Variants in LSAMP observed in about 807,000 individuals in gnomAD.
LSAMP encodes the protein limbic system associated membrane protein, also known as limbic system-associated membrane protein.
LSAMP carries 7 observed loss-of-function variants against 38.6 expected under a neutral mutation model. The observed-to-expected ratio is 0.18, with a 90% confidence interval of 0.10 to 0.34. LSAMP has a LOEUF of 0.34. LSAMP is among the 10% of genes least tolerant of loss of function. The pLI is 1.00. For synonymous variants in LSAMP, 154 were observed against 166.8 expected, an observed-to-expected ratio of 0.92 and a Z score of 0.59; for missense variants, 313 against 420.0, an observed-to-expected ratio of 0.75 and a Z score of 2.23.
At chr3:116,063,806 CA>C (rs200006025) in intron 2 of LSAMP, among the ~76,000 whole-genome samples, 1 of 151,512 alleles carries the variant, frequency 6.6e-6, no homozygotes, top group East Asian at 1.9e-4. Context: ...GTATCTATTG[CA>C]AAAAAAACTA....
chr3:116,295,374 C>T (rs2047317725), intron 1 of LSAMP, among the ~76,000 whole-genome samples: 1 of 152,164 alleles, frequency 6.6e-6, no homozygotes, highest in South Asian at 2.1e-4. Flanking sequence ...ATTCGTGGAT[C>T]CACATTTCCT....
intron 2 of LSAMP, among the ~76,000 whole-genome samples, chr3:116,058,039 G>T (rs937745795): frequency 1.3e-5 from 2 of 151,788 alleles, no homozygotes; most frequent in African/African-American, 4.8e-5. Context: ...ACAGTGGAAA[G>T]AAAATTCTAC....
intron 1 of LSAMP, among the ~76,000 whole-genome samples, chr3:116,285,552 A>AAGGAT (rs1399454058): frequency 9.3e-5 from 14 of 149,888 alleles, no homozygotes; most frequent in African/African-American, 3.5e-4. Context: ...TTTTTTTTTA[A>AAGGAT]AGGATAGTTT....
intron 3 of LSAMP, among the ~76,000 whole-genome samples, chr3:115,901,189 CTG>C (rs1031837727): frequency 2.3e-4 from 35 of 152,192 alleles, no homozygotes; most frequent in Admixed American, 2.0e-3. Flanking sequence ...GTCTGAGAGT[CTG>C]TGCTTAATCT....
At chr3:116,237,470 A>G (rs943448156) in intron 1 of LSAMP, among the ~76,000 whole-genome samples, 1 of 152,218 alleles carries the variant, frequency 6.6e-6, no homozygotes, top group African/African-American at 2.4e-5. Flanking sequence ...TTAGCAATAC[A>G]TTCAAGGTAA....
intron 1 of LSAMP, among the ~76,000 whole-genome samples, chr3:116,304,249 T>C (rs2047452824): frequency 6.6e-6 from 1 of 152,116 alleles, no homozygotes; most frequent in Admixed American, 6.6e-5. Flanking sequence ...AATATGCTTA[T>C]AATCATAAAA....
At chr3:116,001,199 G>A (rs1939981257) in intron 3 of LSAMP, among the ~76,000 whole-genome samples, 1 of 151,968 alleles carries the variant, frequency 6.6e-6, no homozygotes, top group Non-Finnish European at 1.5e-5. Context: ...AGAAAAAAAG[G>A]AAAAGAAAAA....
chr3:115,864,822 A>G (rs562088160), intron 3 of LSAMP, among the ~76,000 whole-genome samples: 16 of 152,314 alleles, frequency 1.1e-4, no homozygotes, highest in Admixed American at 9.8e-4. Context: ...AATACCTGCC[A>G]TACAAACGGT....
chr3:115,844,025 C>T (rs1226712575), intron 4 of LSAMP, among the ~76,000 whole-genome samples: 1 of 152,160 alleles, frequency 6.6e-6, no homozygotes, highest in African/African-American at 2.4e-5. Flanking sequence ...AACTAGGAGT[C>T]CTGGGACTTA....
chr3:115,872,583 C>T lies in LSAMP; in HGVS notation c.515-19966G>A, dbSNP rs568242020. 1.1e-4 allele frequency among the ~76,000 whole-genome samples: 16 copies of T among 151,636 alleles called. No homozygotes were observed. The South Asian group carries it at 2.3e-3, about 22-fold the overall frequency. Reference sequence around the variant, plus strand: ...GGAAAGAAAAAAGAATTGAGCCTCCCGAGAATGGAAGAATGGAAAGAAGTG... The same window carrying T: ...GGAAAGAAAAAAGAATTGAGCCTCCTGAGAATGGAAGAATGGAAAGAAGTG... On this transcript the variant is annotated intron_variant, in intron 3 of 6. Coordinates refer to ENST00000490035, the MANE Select transcript of LSAMP (RefSeq NM_002338.5).
At chr3:115,903,108 C>A (rs1317188282) in intron 3 of LSAMP, among the ~76,000 whole-genome samples, 1 of 152,128 alleles carries the variant, frequency 6.6e-6, no homozygotes, top group East Asian at 1.9e-4. Flanking sequence ...AATGGTTAGA[C>A]TGGATAAAGA....
intron 3 of LSAMP, among the ~76,000 whole-genome samples, chr3:115,898,594 G>A (rs893115311): frequency 8.6e-6 from 1 of 116,122 alleles, no homozygotes; most frequent in Non-Finnish European, 1.8e-5. Context: ...TTTGCATGAA[G>A]ATGCATATAT....
chr3:116,172,182 G>C (rs1365563050), intron 1 of LSAMP, among the ~76,000 whole-genome samples: 1 of 151,844 alleles, frequency 6.6e-6, no homozygotes, highest in Non-Finnish European at 1.5e-5. Context: ...TCTATGTACA[G>C]ATTAATGATT....
chr3:116,109,212 T>G (rs1404939375), intron 1 of LSAMP, among the ~76,000 whole-genome samples: 5 of 152,188 alleles, frequency 3.3e-5, no homozygotes, highest in African/African-American at 1.2e-4. Flanking sequence ...TCCAGCCACC[T>G]TTTTAAGAGT....
intron 1 of LSAMP, among the ~76,000 whole-genome samples, chr3:116,328,772 C>T (rs6782605): frequency 0.11 from 17,040 of 152,028 alleles, 1,357 homozygotes; most frequent in African/African-American, 0.23. Context: ...AGAGGAAAAG[C>T]TAATTATCAT....
chr3:116,103,127 T>C (rs1270423601), intron 1 of LSAMP, among the ~76,000 whole-genome samples: 1 of 152,202 alleles, frequency 6.6e-6, no homozygotes, highest in Non-Finnish European at 1.5e-5. Context: ...TTCTTTACTA[T>C]ATTAATCATT....
At chr3:115,818,723 TCCAAA>T (rs1934111726) in intron 6 of LSAMP, among the ~76,000 whole-genome samples, 1 of 135,038 alleles carries the variant, frequency 7.4e-6, no homozygotes, top group Non-Finnish European at 1.6e-5. Flanking sequence ...GCATTGCAAG[TCCAAA>T]GAATTTATAT....
chr3:115,920,940 A>G, intron 3 of LSAMP, among the ~76,000 whole-genome samples: 1 of 151,798 alleles, frequency 6.6e-6, no homozygotes, highest in Non-Finnish European at 1.5e-5. Context: ...CAGTTTTATC[A>G]TTATATAATG....
At position 116,310,954 on chromosome 3, in the gene LSAMP, C is replaced by T. The variant is rs544416095; in HGVS notation, c.155+133923G>A. Among the ~76,000 whole-genome samples the T allele has an allele frequency of 1.6e-4, 23 of 148,222 alleles. 2 individuals are homozygous for T. The highest frequency in any genetic ancestry group is 1.1e-3 in the Admixed American group (17 of 14,822). ...TTAAATCATGGATATGAATAGTTCA[C>T]GGATAACTAGATTACCAGACTAGGT... is the stretch of plus-strand genomic sequence containing the variant. On this transcript the variant is annotated intron_variant, in intron 1 of 6. Transcript: ENST00000490035.
Sources: allele counts gnomAD v4.1 joint callset (sites outside exome capture counted in the v4.1 genomes callset), GRCh38; gene constraint gnomAD v4.1.1; transcripts MANE v1.5; gene names NCBI Gene and HGNC (gene_info 2026-07-23, HGNC 2026-07-21).